KCNH7: variants seen among roughly 807,000 people sequenced by gnomAD.
KCNH7 encodes the protein voltage-gated inwardly rectifying potassium channel KCNH7.
KCNH7 carries 49 observed loss-of-function variants against 120.8 expected under a neutral mutation model. That is an observed-to-expected ratio of 0.41 (90% confidence interval 0.32 to 0.51). The LOEUF (loss-of-function observed/expected upper bound fraction) is 0.51, where lower values mean the gene tolerates loss of function less well. Among genes scored for constraint, KCNH7 ranks in the 20% least tolerant of loss-of-function variants. The probability of loss-of-function intolerance (pLI) is 0.38; values close to 1 mark genes in which losing one functional copy is unlikely to be tolerated. For synonymous variants in KCNH7, 547 were observed against 516.1 expected (o/e 1.06, Z -0.81); for missense variants, 1,097 against 1,446.6 (o/e 0.76, Z 3.92).
At chr2:162,752,994 A>AAAAG (rs1688647677) in intron 2 of KCNH7, among the ~76,000 whole-genome samples, 1 of 141,200 alleles carries the variant, frequency 7.1e-6, no homozygotes, top group African/African-American at 2.8e-5. Context: ...AAAAGAAAAG[A>AAAAG]AAAGAAAAGA....
At chr2:162,773,287 A>C (rs1385688595) in intron 2 of KCNH7, among the ~76,000 whole-genome samples, 2 of 152,182 alleles carry the variant, frequency 1.3e-5, no homozygotes, top group East Asian at 3.9e-4. Flanking sequence ...CAAGAGTTCG[A>C]GACCAGCCTG....
intron 2 of KCNH7, among the ~76,000 whole-genome samples, chr2:162,593,809 C>A (rs541741320): frequency 7.5e-4 from 114 of 152,094 alleles, no homozygotes; most frequent in African/African-American, 2.7e-3. Context: ...CTAATCCATA[C>A]TGCTGAAAAA....
chr2:162,838,151 G>T (rs945441794), intron 1 of KCNH7, among the ~76,000 whole-genome samples: 13 of 152,198 alleles, frequency 8.5e-5, no homozygotes, highest in Admixed American at 6.5e-5. Context: ...ATCCTAGCAC[G>T]TTCCCTTTAA....
intron 3 of KCNH7, among the ~76,000 whole-genome samples, chr2:162,522,677 T>A (rs1333835095): frequency 6.6e-6 from 1 of 151,918 alleles, no homozygotes; most frequent in Non-Finnish European, 1.5e-5. Flanking sequence ...CTATTTACTA[T>A]AATGCTCAAT....
In KCNH7 at chr2:162,542,714, T is replaced by C. The variant is rs1252056467; in HGVS notation, c.308-5634A>G. ...TGAATAGTGCCGCAATAAACATACG[T>C]GTGCATGTGTCTTTATAGCAGCATG... On this transcript the variant is annotated intron_variant, in intron 2 of 15. Coordinates refer to ENST00000332142, the MANE Select transcript of KCNH7 (RefSeq NM_033272.4). Among the ~76,000 whole-genome samples the C allele has an allele frequency of 3.3e-5, 5 of 152,120 alleles. No individual in the cohort carries two copies. In the South Asian group the frequency reaches 1.0e-3, roughly 32 times the overall value.
intron 3 of KCNH7, among the ~76,000 whole-genome samples, chr2:162,519,181 A>C (rs1691430481): frequency 6.6e-6 from 1 of 151,794 alleles, no homozygotes; most frequent in Admixed American, 6.6e-5. Context: ...ATATCTATTA[A>C]AGTGAAAAAA....
chr2:162,721,356 A>G (rs912409884), intron 2 of KCNH7, among the ~76,000 whole-genome samples: 25 of 152,178 alleles, frequency 1.6e-4, no homozygotes, highest in Admixed American at 8.5e-4. Flanking sequence ...GCAGAATGCC[A>G]CTACATATGT....
intron 6 of KCNH7, among the ~76,000 whole-genome samples, chr2:162,492,681 T>G (rs560508690): frequency 6.6e-6 from 1 of 152,240 alleles, no homozygotes; most frequent in Non-Finnish European, 1.5e-5. Context: ...CTTATTGGCT[T>G]CACCTGTGAG....
intron 2 of KCNH7, among the ~76,000 whole-genome samples, chr2:162,599,214 A>G (rs1694473489): frequency 6.6e-6 from 1 of 151,950 alleles, no homozygotes; most frequent in South Asian, 2.1e-4. Flanking sequence ...CAAAAAATAA[A>G]TAAATAAATA....
At chr2:162,512,333 T>A (rs1477565630) in intron 5 of KCNH7, among the ~76,000 whole-genome samples, 1 of 151,842 alleles carries the variant, frequency 6.6e-6, no homozygotes, top group Non-Finnish European at 1.5e-5. Flanking sequence ...GAAATAGGCT[T>A]TTGTGCCTCT....
intron 2 of KCNH7, among the ~76,000 whole-genome samples, chr2:162,592,784 T>C (rs1437647359): frequency 1.3e-5 from 2 of 152,114 alleles, no homozygotes; most frequent in Non-Finnish European, 2.9e-5. Context: ...ATTGGCCTTA[T>C]CAACTTAGTT....
chr2:162,793,939 T>G (rs1367789942), intron 2 of KCNH7, among the ~76,000 whole-genome samples: 9 of 151,954 alleles, frequency 5.9e-5, no homozygotes, highest in Admixed American at 5.9e-4. Flanking sequence ...TCCTAAATGT[T>G]CTCACCACAA....
chr2:162,520,288 C>A (rs1691475058), intron 3 of KCNH7, among the ~76,000 whole-genome samples: 1 of 150,060 alleles, frequency 6.7e-6, no homozygotes, highest in African/African-American at 2.5e-5. Context: ...TAATATCAAT[C>A]CCTTAATTGT....
intron 2 of KCNH7, among the ~76,000 whole-genome samples, chr2:162,674,885 C>T (rs1685481489): frequency 1.3e-5 from 2 of 151,500 alleles, no homozygotes; most frequent in African/African-American, 4.8e-5. Flanking sequence ...TCTTTATGAC[C>T]TTGCAATAAG....
intron 2 of KCNH7, among the ~76,000 whole-genome samples, chr2:162,602,276 G>T (rs1362671895): frequency 6.6e-6 from 1 of 151,958 alleles, no homozygotes; most frequent in Non-Finnish European, 1.5e-5. Flanking sequence ...CAGCTTCAGG[G>T]CCTAGATGAA....
intron 9 of KCNH7, among the ~76,000 whole-genome samples, chr2:162,409,993 T>G (rs941374308): frequency 1.6e-4 from 25 of 152,214 alleles, no homozygotes; most frequent in African/African-American, 5.5e-4. Flanking sequence ...ATTGTTAAAA[T>G]GACCACACGG....
chr2:162,472,062 C>T (rs1183763349), intron 6 of KCNH7, among the ~76,000 whole-genome samples: 1 of 152,160 alleles, frequency 6.6e-6, no homozygotes, highest in Non-Finnish European at 1.5e-5. Context: ...TGGATCCCTT[C>T]CTTACACCTT....
chr2:162,527,970 G>A (rs1691772749), intron 3 of KCNH7: 1 of 151,890 alleles, frequency 6.6e-6, no homozygotes, highest in African/African-American at 2.4e-5. Context: ...AACACAGCTT[G>A]GTGAATTTCT....
chr2:162,827,391 C>T (rs562180656), intron 2 of KCNH7, among the ~76,000 whole-genome samples: 4 of 152,100 alleles, frequency 2.6e-5, no homozygotes, highest in South Asian at 4.2e-4. Context: ...CAAAAATGCC[C>T]CCAAAATCTA....
Sources: allele counts gnomAD v4.1 joint callset (sites outside exome capture counted in the v4.1 genomes callset), GRCh38; gene constraint gnomAD v4.1.1; transcripts MANE v1.5; gene names NCBI Gene and HGNC (gene_info 2026-07-23, HGNC 2026-07-21).